DNTTIP1: variants seen among roughly 807,000 people sequenced by gnomAD.
DNTTIP1 encodes the protein deoxynucleotidyltransferase terminal-interacting protein 1.
Under a neutral mutation model 52.9 loss-of-function variants are expected in DNTTIP1, and 22 were observed. That is an observed-to-expected ratio of 0.42 (90% CI 0.30 to 0.59). DNTTIP1 has a LOEUF of 0.59. DNTTIP1 is among the 20% of genes least tolerant of loss of function. DNTTIP1 has a pLI of 0.22. For synonymous variants in DNTTIP1, 136 were observed against 155.1 expected (o/e 0.88, Z 0.92); for missense variants, 286 against 435.5 (o/e 0.66, Z 3.06).
intron 8 of DNTTIP1, among the ~76,000 whole-genome samples, chr20:45,804,118 A>G (rs532562946): frequency 1.2e-4 from 19 of 152,272 alleles, no homozygotes; most frequent in Admixed American, 1.2e-3. Context: ...GCCTCTTTCT[A>G]CTTTAAAACT....
intron 10 of DNTTIP1, among the ~76,000 whole-genome samples, chr20:45,808,448 C>G (rs1981719900): frequency 6.6e-6 from 1 of 152,158 alleles, no homozygotes; most frequent in Admixed American, 6.5e-5. Flanking sequence ...CAAGACCAGC[C>G]TGACCAACAT....
chr20:45,803,528 G>T (rs1475120777), intron 8 of DNTTIP1, 150 bp downstream of exon 8: 13 of 795,540 alleles, frequency 1.6e-5, no homozygotes, highest in Admixed American at 2.8e-5. Context: ...AGCCACACTG[G>T]CCTCAGAGAG....
intron 10 of DNTTIP1, among the ~76,000 whole-genome samples, chr20:45,808,324 A>G (rs1981715335): frequency 1.3e-5 from 2 of 151,894 alleles, no homozygotes; most frequent in Non-Finnish European, 2.9e-5. Flanking sequence ...AGTCTGAACA[A>G]CAGAGCGAGA....
chr20:45,800,664 A>T (rs1981398142), intron 4 of DNTTIP1, among the ~76,000 whole-genome samples: 1 of 119,360 alleles, frequency 8.4e-6, no homozygotes, highest in Non-Finnish European at 1.7e-5. Context: ...ACAAGAGTGA[A>T]ACTCCATCTC....
At chr20:45,801,514 G>A (rs1981471014) in intron 6 of DNTTIP1, 56 bp downstream of exon 6, 11 of 1,591,332 alleles carry the variant, frequency 6.9e-6, no homozygotes, top group South Asian at 2.2e-5. Flanking sequence ...CAGGCCGGGT[G>A]TGGTGGCTCA....
intron 4 of DNTTIP1, among the ~76,000 whole-genome samples, chr20:45,800,165 G>A (rs915966557): frequency 9.9e-5 from 15 of 151,726 alleles, no homozygotes; most frequent in Admixed American, 3.3e-4. Flanking sequence ...TGAGGAGTAT[G>A]TGTTATACTA....
chr20:45,792,582 A>G, intron 1 of DNTTIP1, 95 bp from the exon 2 acceptor site: 2 of 916,626 alleles, frequency 2.2e-6, no homozygotes, highest in Admixed American at 2.8e-5. Context: ...TCTGAGAAGC[A>G]GGGATGTCCA....
chr20:45,796,355 A>G (rs404433), intron 4 of DNTTIP1: 13 of 411,162 alleles, frequency 3.2e-5, no homozygotes, highest in African/African-American at 2.6e-4. Context: ...TTATACATCA[A>G]TAGAGCTAGA....
Position 45,802,625 on chromosome 20 carries a change from A to G in DNTTIP1, c.557+568A>G, listed in dbSNP as rs79408150. 1.2e-4 allele frequency among the ~76,000 whole-genome samples: 19 copies of G among 152,220 alleles called. No homozygotes were observed. The East Asian group carries it at 3.5e-3, about 28-fold the overall frequency. The stretch of plus-strand genomic sequence containing the variant: ...CAGGCACCAGAGTGGTACATTTGTT[A>G]CATTTGATGAGCCTACTTTGACTCG... On this transcript the variant is annotated intron_variant, in intron 7 of 12. Coordinates refer to ENST00000372622, the MANE Select transcript of DNTTIP1 (RefSeq NM_052951.3).
intron 10 of DNTTIP1, among the ~76,000 whole-genome samples, chr20:45,807,159 G>A (rs1359650289): frequency 1.3e-5 from 2 of 151,290 alleles, no homozygotes; most frequent in Non-Finnish European, 2.9e-5. Flanking sequence ...GTCTTGCTCT[G>A]TCACCCAGGC....
intron 1 of DNTTIP1, among the ~76,000 whole-genome samples, chr20:45,792,337 A>G (rs1981050084): frequency 6.6e-6 from 1 of 152,228 alleles, no homozygotes; most frequent in Non-Finnish European, 1.5e-5. Context: ...TAAAATGGAA[A>G]TGATTAGTAC....
chr20:45,795,426 C>G lies in DNTTIP1; in HGVS notation c.355C>G (p.Arg119Gly). 2 of 1,608,008 alleles carry G rather than the reference C, an allele frequency of 1.2e-6. No homozygotes were observed. Among genetic ancestry groups the G allele is most frequent in the Non-Finnish European group, 1.7e-6 (2 of 1,176,726 alleles). ...DAEQLIQEAC[R>G]SCLEQAKLLF... The stretch of plus-strand genomic sequence containing the variant: ...AGAGCAGCTGATCCAGGAAGCCTGT[C>G]GGAGCTGCCTGGAGCAGGTGAGACC... Residue 119 changes from arginine to glycine, a missense_variant, in exon 4 of 13, where the codon CGG becomes GGG. Coordinates refer to ENST00000372622, the MANE Select transcript of DNTTIP1 (RefSeq NM_052951.3).
At chr20:45,800,475 A>ACCAG (rs1251281336) in intron 4 of DNTTIP1, among the ~76,000 whole-genome samples, 1 of 151,448 alleles carries the variant, frequency 6.6e-6, no homozygotes, top group East Asian at 1.9e-4. Flanking sequence ...AGAGTTCGAG[A>ACCAG]CCAGCCTGGC....
rs576614573 is a variant in DNTTIP1, at chr20:45,809,495, C to G, written c.795+310C>G. 1.3e-5 allele frequency among the ~76,000 whole-genome samples: 2 copies of G among 152,218 alleles called. No homozygotes were observed. The highest frequency in any genetic ancestry group is 4.8e-5 in the African/African-American group (2 of 41,454). The stretch of plus-strand genomic sequence containing the variant: ...AGACACACAGTACTACTTTTTCCCA[C>G]TACTGCACCCACTGACAGATTTCAC... On this transcript the variant is annotated intron_variant, in intron 11 of 12. Coordinates refer to ENST00000372622, the MANE Select transcript of DNTTIP1 (RefSeq NM_052951.3). The surrounding 1 kb of genome is among the most constrained non-coding windows in gnomAD (Gnocchi z 4.2).
At chr20:45,792,620 TCCACC>T in intron 1 of DNTTIP1, 52 bp from the exon 2 acceptor site, 2 of 1,344,524 alleles carry the variant, frequency 1.5e-6, no homozygotes, top group Non-Finnish European at 2.0e-6. Flanking sequence ...ACCCTCCACC[TCCACC>T]CCACCCCAGT....
chr20:45,811,228 C>T lies in DNTTIP1; in HGVS notation c.*33C>T, dbSNP rs554012652. 24 of 1,574,364 alleles carry T rather than the reference C, an allele frequency of 1.5e-5. No homozygotes were observed. Among genetic ancestry groups the T allele is most frequent in the Non-Finnish European group, 2.0e-5 (23 of 1,162,720 alleles). ...TCCCCTGGCCACACTTGGCAGCCCT[C>T]CTCCAAAGCCCTCTTCCTCACGTGG... is the stretch of plus-strand genomic sequence containing the variant. On this transcript the variant is annotated 3_prime_UTR_variant, in exon 13 of 13. Coordinates refer to ENST00000372622, the MANE Select transcript of DNTTIP1 (RefSeq NM_052951.3).
chr20:45,792,235 C>T lies in DNTTIP1; in HGVS notation c.105+126C>T, dbSNP rs183809897. The T allele has an allele frequency of 2.4e-4, 129 of 527,798 alleles. No individual in the cohort carries two copies. In the East Asian group the frequency reaches 4.1e-3, roughly 17 times the overall value. The allele number at this position is 527,798 out of a possible 1,614,324, so 32.7% of individuals were successfully genotyped here. A position where few individuals can be genotyped will look rare whatever the true frequency, so the allele number is the denominator to read the frequency against. ...AGAGGGGGTTGGCGTTTTCGCAGCC[C>T]GACGACCTGGATTTAAATTCTGGTG... is the stretch of plus-strand genomic sequence containing the variant. On this transcript the variant is annotated intron_variant, in intron 1 of 12. Transcript: ENST00000372622.
intron 3 of DNTTIP1, among the ~76,000 whole-genome samples, chr20:45,794,338 G>T (rs1379418170): frequency 6.6e-6 from 1 of 151,848 alleles, no homozygotes; most frequent in East Asian, 1.9e-4. Flanking sequence ...TAGTAGAGAC[G>T]GGGTTTCACT....
rs1363058211 is a variant in DNTTIP1 at position 45,801,995 on chromosome 20, G to A, written c.499-4G>A. On this transcript the variant is annotated splice_region_variant and splice_polypyrimidine_tract_variant and intron_variant, in intron 6 of 12. Transcript: ENST00000372622. ...AGACCTCTGACAGCTGTTTTTTGTGGCAGAGGAAAGGACGGCCTCCTGGAC... is the reference window on the plus strand; with the variant it reads ...AGACCTCTGACAGCTGTTTTTTGTGACAGAGGAAAGGACGGCCTCCTGGAC... 2 of 1,614,034 alleles carry A rather than the reference G, an allele frequency of 1.2e-6. No individual in the cohort carries two copies. The highest frequency in any genetic ancestry group is 1.3e-5 in the African/African-American group (1 of 74,914).
Sources: allele counts gnomAD v4.1 joint callset (sites outside exome capture counted in the v4.1 genomes callset), GRCh38; gene constraint gnomAD v4.1.1; non-coding constraint Gnocchi (gnomAD v3.1); transcripts MANE v1.5; gene names NCBI Gene and HGNC (gene_info 2026-07-23, HGNC 2026-07-21).